Variants in FLI1 observed in about 807,000 individuals in gnomAD.
The protein encoded by FLI1 is Friend leukemia integration 1 transcription factor.
A neutral mutation model predicts 53.1 loss-of-function variants in FLI1; 13 were observed. The observed-to-expected ratio is 0.24, with a 90% CI of 0.16 to 0.39. The LOEUF (loss-of-function observed/expected upper bound fraction) is 0.39, where lower values mean the gene tolerates loss of function less well. Among genes scored for constraint, FLI1 ranks in the 10% least tolerant of loss-of-function variants. FLI1 has a pLI of 1.00. For missense variants in FLI1, 424 were observed against 600.5 expected, an observed-to-expected ratio of 0.71 and a Z score of 3.07; for synonymous variants, 244 against 236.7, an observed-to-expected ratio of 1.03 and a Z score of -0.28.
chr11:128,788,921 A>C (rs1942181927), intron 5 of FLI1, among the ~76,000 whole-genome samples: 1 of 152,148 alleles, frequency 6.6e-6, no homozygotes, highest in Non-Finnish European at 1.5e-5. Flanking sequence ...TTCTAGTCAA[A>C]CAGAGAGACA....
At chr11:128,762,095 T>C (rs1446247167) in intron 2 of FLI1, among the ~76,000 whole-genome samples, 4 of 152,296 alleles carry the variant, frequency 2.6e-5, no homozygotes, top group Non-Finnish European at 5.9e-5. Context: ...ATGTCATTGC[T>C]TACAGTGGAA....
chr11:128,689,560 G>C (rs1177160952), upstream of FLI1, among the ~76,000 whole-genome samples: 1 of 152,222 alleles, frequency 6.6e-6, no homozygotes, highest in Admixed American at 6.5e-5. Flanking sequence ...CCCTAAGGTG[G>C]TCTTGCCGGC....
intron 1 of FLI1, among the ~76,000 whole-genome samples, chr11:128,732,573 T>C (rs1249998675): frequency 6.6e-6 from 1 of 152,130 alleles, no homozygotes; most frequent in Non-Finnish European, 1.5e-5. Context: ...ATACATGTGG[T>C]AGGTATTATG....
chr11:128,720,207 G>A (rs1021690571), intron 1 of FLI1, among the ~76,000 whole-genome samples: 1 of 151,748 alleles, frequency 6.6e-6, no homozygotes, highest in African/African-American at 2.4e-5. Context: ...ATTAAATTAC[G>A]GCCATGTTCC....
chr11:128,747,743 C>T (rs901326408), intron 1 of FLI1, among the ~76,000 whole-genome samples: 2 of 152,188 alleles, frequency 1.3e-5, no homozygotes, highest in Non-Finnish European at 2.9e-5. Flanking sequence ...AGAGCATTGC[C>T]GACCCTTTTG....
intron 1 of FLI1, among the ~76,000 whole-genome samples, chr11:128,696,917 T>G (rs1339305669): frequency 6.6e-6 from 1 of 152,220 alleles, no homozygotes; most frequent in Non-Finnish European, 1.5e-5. Flanking sequence ...TGTGCATAAT[T>G]TGCACAACTC....
chr11:128,793,473 C>A (rs570403668), intron 5 of FLI1, among the ~76,000 whole-genome samples: 1 of 152,252 alleles, frequency 6.6e-6, no homozygotes, highest in South Asian at 2.1e-4. Context: ...TGGAATGCCC[C>A]ACCCCTGCCC....
At chr11:128,696,654 C>T (rs1248641814) in intron 1 of FLI1, among the ~76,000 whole-genome samples, 3 of 152,226 alleles carry the variant, frequency 2.0e-5, no homozygotes, top group Non-Finnish European at 4.4e-5. Context: ...CAGCCCTACA[C>T]TGATCGAGGT....
chr11:128,696,076 C>A (rs1938059664), intron 1 of FLI1: 1 of 152,266 alleles, frequency 6.6e-6, no homozygotes, highest in Non-Finnish European at 1.5e-5. Flanking sequence ...GATGTGCTAA[C>A]CTCTTTAGAT....
chr11:128,789,470 G>A (rs1235507212), intron 5 of FLI1, among the ~76,000 whole-genome samples: 1 of 152,164 alleles, frequency 6.6e-6, no homozygotes, highest in East Asian at 1.9e-4. Flanking sequence ...GTTAAAGCAG[G>A]GTGATGGGGC....
intron 1 of FLI1, among the ~76,000 whole-genome samples, chr11:128,751,307 A>G (rs767226044): frequency 1.4e-4 from 21 of 151,232 alleles, no homozygotes; most frequent in Non-Finnish European, 2.2e-4. Flanking sequence ...CTCCAACCCA[A>G]TGGTTCTCAC....
chr11:128,757,044 T>TTTTTC (rs1555116903), intron 1 of FLI1, among the ~76,000 whole-genome samples: 7 of 107,026 alleles, frequency 6.5e-5, no homozygotes, highest in African/African-American at 2.2e-4. Flanking sequence ...CTAGCTAATT[T>TTTTTC]TTTCTTTCTT....
At chr11:128,799,727 C>A (rs1403569278) in intron 5 of FLI1, among the ~76,000 whole-genome samples, 1 of 152,178 alleles carries the variant, frequency 6.6e-6, no homozygotes, top group Non-Finnish European at 1.5e-5. Context: ...AAGACTGCAG[C>A]AGATGAGAAG....
At chr11:128,728,208 G>A (rs376950716) in intron 1 of FLI1, among the ~76,000 whole-genome samples, 4 of 152,364 alleles carry the variant, frequency 2.6e-5, no homozygotes, top group African/African-American at 9.6e-5. Context: ...CAGGTGGAGC[G>A]GCCAGGACAT....
intron 3 of FLI1, among the ~76,000 whole-genome samples, chr11:128,768,836 G>T (rs1477528776): frequency 6.6e-6 from 1 of 152,134 alleles, no homozygotes; most frequent in Non-Finnish European, 1.5e-5. Context: ...TCAATGGCCT[G>T]GTCCTCAAGG....
intron 1 of FLI1, among the ~76,000 whole-genome samples, chr11:128,709,527 G>A (rs1242589862): frequency 1.3e-5 from 2 of 152,020 alleles, no homozygotes; most frequent in Admixed American, 6.6e-5. Context: ...TCCCTCCCAC[G>A]TATCCGGCCA....
intron 1 of FLI1, among the ~76,000 whole-genome samples, chr11:128,738,534 T>C (rs1020751437): frequency 1.2e-4 from 19 of 152,240 alleles, no homozygotes. Flanking sequence ...CTGCATTGTA[T>C]AGCGTGAACA....
chr11:128,747,969 C>T (rs1479099514), intron 1 of FLI1, among the ~76,000 whole-genome samples: 11 of 152,120 alleles, frequency 7.2e-5, no homozygotes, highest in Admixed American at 7.2e-4. Flanking sequence ...TTTAGAGATG[C>T]CCTTTAAATG....
chr11:128,691,519 C>A (rs1242266344), upstream of FLI1, among the ~76,000 whole-genome samples: 1 of 152,068 alleles, frequency 6.6e-6, no homozygotes, highest in African/African-American at 2.4e-5. Context: ...ACAGTGGCAC[C>A]AGTGCCAGTC....
Sources: allele counts gnomAD v4.1 joint callset (sites outside exome capture counted in the v4.1 genomes callset), GRCh38; gene constraint gnomAD v4.1.1; transcripts MANE v1.5; gene names NCBI Gene and HGNC (gene_info 2026-07-23, HGNC 2026-07-21).